The following VPS13B variants were observed in gnomAD, a reference collection of about 807,000 sequenced individuals.
VPS13B encodes vacuolar protein sorting 13 homolog B, also known as intermembrane lipid transfer protein VPS13B.
VPS13B carries 285 observed loss-of-function variants against 426.4 expected under a neutral mutation model. That is an observed-to-expected ratio of 0.67 (90% confidence interval 0.61 to 0.74). The LOEUF is 0.74. Ranked by LOEUF, VPS13B falls within the 30% of genes least tolerant of loss-of-function variation. The probability of loss-of-function intolerance (pLI) is 0.00; values close to 1 mark genes in which losing one functional copy is unlikely to be tolerated. For synonymous variants in VPS13B, 1,676 were observed against 1,676.4 expected (o/e 1.00, Z 0.01); for missense variants, 4,537 against 4,782.6 (o/e 0.95, Z 1.51).
intron 36 of VPS13B, among the ~76,000 whole-genome samples, chr8:99,708,944 T>C (rs1386458959): frequency 1.3e-5 from 2 of 152,054 alleles, no homozygotes; most frequent in African/African-American, 2.4e-5. Context: ...AACTTACATA[T>C]TCTGATCAAG....
At chr8:99,412,910 A>T (rs1338289646) in intron 21 of VPS13B, among the ~76,000 whole-genome samples, 1 of 152,162 alleles carries the variant, frequency 6.6e-6, no homozygotes, top group Non-Finnish European at 1.5e-5. Flanking sequence ...GGGTGAAGCC[A>T]ACTTGACCAT....
Position 99,569,643 on chromosome 8 carries a change from A to G in VPS13B, c.4950-6015A>G, listed in dbSNP as rs534311546. Among the ~76,000 whole-genome samples the G allele has an allele frequency of 1.3e-4, 20 of 152,302 alleles. No individual in the cohort carries two copies. The East Asian group carries it at 3.5e-3, about 26-fold the overall frequency. On this transcript the variant is annotated intron_variant, in intron 31 of 61. Coordinates refer to ENST00000357162, the MANE Select transcript of VPS13B (RefSeq NM_152564.5). ...CCACAAAGGCATACCAAAATGTATG[A>G]CAGATGGGCAGAAGAACCTTAGTGT...
At chr8:99,469,342 T>C (rs1218566821) in intron 24 of VPS13B, among the ~76,000 whole-genome samples, 3 of 151,940 alleles carry the variant, frequency 2.0e-5, no homozygotes, top group Non-Finnish European at 4.4e-5. Context: ...CTAATTTATT[T>C]CATTTTTATT....
chr8:99,131,977 A>C (rs1257200880), intron 8 of VPS13B, among the ~76,000 whole-genome samples: 1 of 151,906 alleles, frequency 6.6e-6, no homozygotes, highest in African/African-American at 2.4e-5. Context: ...GCTCACTGCA[A>C]CCTCCGCCTC....
At chr8:99,541,233 T>G (rs1823599012) in intron 30 of VPS13B, among the ~76,000 whole-genome samples, 2 of 152,202 alleles carry the variant, frequency 1.3e-5, no homozygotes, top group South Asian at 4.1e-4. Context: ...AATATTTTCA[T>G]GAAATATTTG....
chr8:99,661,468 T>A lies in VPS13B; in HGVS notation c.6023T>A (p.Ile2008Asn), dbSNP rs1341696957. The change falls in exon 35 of 62, where the codon ATT becomes AAT. Residue 2008 changes from isoleucine to asparagine, a missense_variant. Coordinates refer to ENST00000357162, the MANE Select transcript of VPS13B (RefSeq NM_152564.5). Reference protein sequence around the residue: ...GIPPSFITLQIKDFLNGPADV... With the variant: ...GIPPSFITLQNKDFLNGPADV... ...CCACCTTCCTTTATAACACTACAGA[T>A]TAAAGACTTTCTGAATGGACCAGGT... 1 of 1,613,396 alleles carries A rather than the reference T, an allele frequency of 6.2e-7. No homozygotes were observed. The highest frequency in any genetic ancestry group is 8.5e-7 in the Non-Finnish European group (1 of 1,179,736).
intron 19 of VPS13B, among the ~76,000 whole-genome samples, chr8:99,280,904 G>A (rs938185599): frequency 6.6e-6 from 1 of 151,864 alleles, no homozygotes; most frequent in African/African-American, 2.4e-5. Context: ...TTAGTCTCCA[G>A]CATTTACTGC....
At chr8:99,349,291 C>CCA (rs1283923717) in intron 19 of VPS13B, among the ~76,000 whole-genome samples, 1 of 131,110 alleles carries the variant, frequency 7.6e-6, no homozygotes, top group Non-Finnish European at 1.6e-5. Context: ...CGAGATTGCG[C>CCA]CACTGCACTC....
intron 21 of VPS13B, among the ~76,000 whole-genome samples, chr8:99,412,332 A>C (rs960941543): frequency 6.6e-6 from 1 of 152,202 alleles, no homozygotes; most frequent in African/African-American, 2.4e-5. Flanking sequence ...CTTAGTATCA[A>C]TTGTGAATGG....
chr8:99,069,190 T>G (rs1844719743), intron 3 of VPS13B, among the ~76,000 whole-genome samples: 1 of 152,116 alleles, frequency 6.6e-6, no homozygotes, highest in Admixed American at 6.5e-5. Flanking sequence ...CCCTGCACAT[T>G]GGGAGCCTGA....
chr8:99,262,874 G>A (rs1563633932), intron 17 of VPS13B, among the ~76,000 whole-genome samples: 1 of 151,990 alleles, frequency 6.6e-6, no homozygotes, highest in Non-Finnish European at 1.5e-5. Flanking sequence ...GAAGCCTCAA[G>A]CAATCCTCCC....
chr8:99,531,966 T>G (rs1185727218), intron 30 of VPS13B, among the ~76,000 whole-genome samples: 1 of 152,136 alleles, frequency 6.6e-6, no homozygotes, highest in African/African-American at 2.4e-5. Context: ...TCAAGAGTAT[T>G]TCATTTGTTA....
intron 23 of VPS13B, among the ~76,000 whole-genome samples, chr8:99,445,151 G>T (rs1817851249): frequency 6.6e-6 from 1 of 150,922 alleles, no homozygotes; most frequent in South Asian, 2.1e-4. Context: ...TCTATACATT[G>T]TCTTTTCACT....
At chr8:99,701,556 G>GT (rs1464480117) in intron 36 of VPS13B, among the ~76,000 whole-genome samples, 4 of 152,052 alleles carry the variant, frequency 2.6e-5, no homozygotes, top group African/African-American at 2.4e-5. Flanking sequence ...TTTGGAACTT[G>GT]TTTTTTCCCC....
intron 31 of VPS13B, among the ~76,000 whole-genome samples, chr8:99,571,435 A>G (rs1825469091): frequency 6.6e-6 from 1 of 152,170 alleles, no homozygotes; most frequent in Non-Finnish European, 1.5e-5. Context: ...TTAATACTAT[A>G]TACCAGAAAA....
intron 3 of VPS13B, among the ~76,000 whole-genome samples, chr8:99,065,744 T>C: frequency 6.6e-6 from 1 of 152,212 alleles, no homozygotes; most frequent in South Asian, 2.1e-4. Flanking sequence ...CATGATTGTA[T>C]ATTTAGAAAA....
At chr8:99,418,508 TTTCTTTC>T (rs1402421008) in intron 21 of VPS13B, among the ~76,000 whole-genome samples, 2 of 140,906 alleles carry the variant, frequency 1.4e-5, no homozygotes, top group Admixed American at 7.3e-5. Context: ...TCTTTCTTTC[TTTCTTTC>T]CTTTCTTTCT....
intron 35 of VPS13B, among the ~76,000 whole-genome samples, chr8:99,691,875 A>G (rs1226392433): frequency 4.1e-5 from 6 of 146,460 alleles, no homozygotes; most frequent in Non-Finnish European, 9.0e-5. Context: ...AAAACAAAAA[A>G]AGGCAGGGGT....
At chr8:99,653,087 G>C (rs1829887888) in intron 34 of VPS13B, among the ~76,000 whole-genome samples, 1 of 152,010 alleles carries the variant, frequency 6.6e-6, no homozygotes, top group Non-Finnish European at 1.5e-5. Flanking sequence ...TAAATTTCTT[G>C]GTGCTTTAGT....
Sources: allele counts gnomAD v4.1 joint callset (sites outside exome capture counted in the v4.1 genomes callset), GRCh38; gene constraint gnomAD v4.1.1; transcripts MANE v1.5; gene names NCBI Gene and HGNC (gene_info 2026-07-23, HGNC 2026-07-21).